The following ME1 variants were observed in gnomAD, a reference collection of about 807,000 sequenced individuals.
ME1 encodes malic enzyme 1, also known as NADP-dependent malic enzyme.
A neutral mutation model predicts 66.4 loss-of-function variants in ME1; 74 were observed. The observed-to-expected ratio is 1.11, with a 90% confidence interval of 0.92 to 1.35. ME1 has a LOEUF of 1.35. ME1 is among the 40% of genes most tolerant of loss of function. ME1 has a pLI of 0.00. For synonymous variants in ME1, 251 were observed against 235.6 expected, an observed-to-expected ratio of 1.07 and a Z score of -0.60; for missense variants, 750 against 694.1, an observed-to-expected ratio of 1.08 and a Z score of -0.90.
chr6:83,369,565 G>A (rs777435462), intron 3 of ME1, among the ~76,000 whole-genome samples: 15 of 151,918 alleles, frequency 9.9e-5, no homozygotes, highest in Non-Finnish European at 1.8e-4. Flanking sequence ...GGTTGAGATT[G>A]GAGTGAGCCA....
chr6:83,379,530 T>C (rs995016232), intron 3 of ME1, among the ~76,000 whole-genome samples: 2 of 152,022 alleles, frequency 1.3e-5, no homozygotes, highest in African/African-American at 4.8e-5. Context: ...TAAACACCGT[T>C]TTCAGTAATT....
chr6:83,361,948 C>T (rs1282145597), intron 3 of ME1, among the ~76,000 whole-genome samples: 1 of 152,162 alleles, frequency 6.6e-6, no homozygotes, highest in East Asian at 1.9e-4. Flanking sequence ...ACTTCTCTTC[C>T]CCAGCCTGCA....
chr6:83,285,569 G>A (rs1049924820), intron 6 of ME1, among the ~76,000 whole-genome samples: 2 of 152,166 alleles, frequency 1.3e-5, no homozygotes, highest in Non-Finnish European at 2.9e-5. Flanking sequence ...ATATTGAAGG[G>A]AAGTCTTCAC....
intron 1 of ME1, among the ~76,000 whole-genome samples, chr6:83,427,626 T>G (rs1770398198): frequency 6.6e-6 from 1 of 152,344 alleles, no homozygotes; most frequent in East Asian, 1.9e-4. Context: ...GCTCATTCAT[T>G]AAGTAAACAT....
intron 3 of ME1, among the ~76,000 whole-genome samples, chr6:83,378,763 A>C (rs139125846): frequency 1.2e-3 from 189 of 151,882 alleles, no homozygotes; most frequent in African/African-American, 4.3e-3. Flanking sequence ...AAACTGACTG[A>C]ACTGGCTTAA....
chr6:83,303,536 G>T (rs911486369), intron 6 of ME1, among the ~76,000 whole-genome samples: 2 of 152,096 alleles, frequency 1.3e-5, no homozygotes, highest in Non-Finnish European at 1.5e-5. Context: ...GTTTTGTTAT[G>T]CAAAACAAAA....
At chr6:83,396,247 C>T (rs982010886) in intron 3 of ME1, among the ~76,000 whole-genome samples, 64 of 151,904 alleles carry the variant, frequency 4.2e-4, no homozygotes, top group African/African-American at 1.4e-3. Flanking sequence ...ACCTGTAATC[C>T]CAGCTACTCA....
intron 6 of ME1, among the ~76,000 whole-genome samples, chr6:83,303,625 G>T (rs1230084993): frequency 6.6e-6 from 1 of 152,124 alleles, no homozygotes; most frequent in Non-Finnish European, 1.5e-5. Context: ...GACTCATAAT[G>T]ATCACAAGCA....
chr6:83,361,279 C>G (rs770141343), intron 3 of ME1, among the ~76,000 whole-genome samples: 5 of 152,180 alleles, frequency 3.3e-5, no homozygotes, highest in Non-Finnish European at 7.4e-5. Context: ...TCAAGATATT[C>G]CTTCTAAGGT....
chr6:83,284,569 G>A (rs1767362569), intron 6 of ME1, among the ~76,000 whole-genome samples: 2 of 151,758 alleles, frequency 1.3e-5, no homozygotes, highest in Non-Finnish European at 2.9e-5. Context: ...ATTTATTCTT[G>A]GAATACATAA....
chr6:83,224,123 T>C (rs1265563771), intron 11 of ME1, among the ~76,000 whole-genome samples, 190 bp from the exon 12 acceptor site: 2 of 152,190 alleles, frequency 1.3e-5, no homozygotes, highest in Non-Finnish European at 2.9e-5. Flanking sequence ...TGGGTGATTA[T>C]TACTATTCTC....
intron 3 of ME1, chr6:83,393,237 C>T: frequency 8.8e-7 from 1 of 1,138,888 alleles, no homozygotes. Context: ...CTACTCTGAG[C>T]ACCAGGTGGT....
chr6:83,309,096 G>A (rs919310769), intron 6 of ME1, among the ~76,000 whole-genome samples: 1 of 152,158 alleles, frequency 6.6e-6, no homozygotes. Context: ...GAAGCCAGAA[G>A]TCTCAGGGCC....
intron 6 of ME1, among the ~76,000 whole-genome samples, chr6:83,265,817 G>A (rs1209653840): frequency 6.6e-6 from 1 of 152,106 alleles, no homozygotes; most frequent in African/African-American, 2.4e-5. Flanking sequence ...CAACTACAAG[G>A]TGAATTTAAA....
intron 12 of ME1, among the ~76,000 whole-genome samples, chr6:83,219,109 G>A (rs989392973): frequency 3.9e-5 from 6 of 152,196 alleles, no homozygotes; most frequent in Admixed American, 6.5e-5. Flanking sequence ...AGAGCTGGTG[G>A]AGAATGATTT....
chr6:83,258,192 A>G (rs1766819102), intron 6 of ME1, among the ~76,000 whole-genome samples: 1 of 152,170 alleles, frequency 6.6e-6, no homozygotes, highest in Admixed American at 6.5e-5. Flanking sequence ...AGGATACCTT[A>G]TCATTTACAA....
chr6:83,305,959 A>G (rs1315530623), intron 6 of ME1, among the ~76,000 whole-genome samples: 3 of 152,168 alleles, frequency 2.0e-5, no homozygotes, highest in Non-Finnish European at 4.4e-5. Context: ...CAAAAGGAAA[A>G]GTAAATTGCT....
chr6:83,211,968 A>G lies in ME1; in HGVS notation c.1675T>C (p.Trp559Arg), dbSNP rs1789897736. 2.5e-6 allele frequency: 4 copies of G among 1,608,926 alleles called. No homozygotes were observed. Among genetic ancestry groups the G allele is most frequent in the Non-Finnish European group, 8.5e-7 (1 of 1,177,058 alleles). The change falls in exon 14 of 14, where the codon TGG becomes CGG. Residue 559 changes from tryptophan to arginine, a missense_variant. Physicochemically the swap from Trp to Arg is moderately radical, Grantham distance 101. Transcript: ENST00000369705. ...TGTATTTTCTGCACCTCTTCAGGCC[A>G]AGAATAACAATCAGGTAGAATCTGG... ...YDQILPDCYS[W>R]PEEVQKIQTK...
intron 6 of ME1, among the ~76,000 whole-genome samples, chr6:83,290,388 C>T (rs1767479661): frequency 1.3e-5 from 2 of 152,112 alleles, no homozygotes; most frequent in Admixed American, 1.3e-4. Context: ...ATTATTTACC[C>T]AGTAGTCATT....
Sources: allele counts gnomAD v4.1 joint callset (sites outside exome capture counted in the v4.1 genomes callset), GRCh38; gene constraint gnomAD v4.1.1; transcripts MANE v1.5; gene names NCBI Gene and HGNC (gene_info 2026-07-23, HGNC 2026-07-21).